PTPRM: variants seen among roughly 807,000 people sequenced by gnomAD.
The protein encoded by PTPRM is receptor-type tyrosine-protein phosphatase mu.
PTPRM carries 47 observed loss-of-function variants against 186.7 expected under a neutral mutation model. The ratio of observed to expected loss-of-function variants is 0.25; its 90% CI spans 0.20 to 0.32. The LOEUF is 0.32. PTPRM is among the 10% of genes least tolerant of loss of function. The probability of loss-of-function intolerance (pLI) is 1.00; values close to 1 mark genes in which losing one functional copy is unlikely to be tolerated. For synonymous variants in PTPRM, 668 were observed against 674.9 expected (o/e 0.99, Z 0.16); for missense variants, 1,494 against 1,865.0 (o/e 0.80, Z 3.66).
chr18:8,183,578 A>T (rs1412818575), intron 14 of PTPRM, among the ~76,000 whole-genome samples: 2 of 152,038 alleles, frequency 1.3e-5, no homozygotes, highest in African/African-American at 2.4e-5. Context: ...ACGGAATCTC[A>T]TTCATCCTCA....
At chr18:8,003,022 G>T (rs773874339) in intron 7 of PTPRM, among the ~76,000 whole-genome samples, 4 of 152,056 alleles carry the variant, frequency 2.6e-5, no homozygotes, top group Non-Finnish European at 5.9e-5. Context: ...AAACAGTCTG[G>T]CATTTGCTTT....
At chr18:8,200,562 C>T (rs961787154) in intron 14 of PTPRM, among the ~76,000 whole-genome samples, 4 of 152,248 alleles carry the variant, frequency 2.6e-5, no homozygotes, top group Non-Finnish European at 4.4e-5. Context: ...GAACTGAACA[C>T]ACCGCACGCA....
At chr18:8,380,699 T>A (rs2095728223) in intron 29 of PTPRM, among the ~76,000 whole-genome samples, 1 of 152,110 alleles carries the variant, frequency 6.6e-6, no homozygotes, top group Non-Finnish European at 1.5e-5. Flanking sequence ...TCCTAAAAGA[T>A]GGAAATACTC....
At chr18:7,780,407 G>A (rs1322152884) in intron 2 of PTPRM, among the ~76,000 whole-genome samples, 1 of 152,110 alleles carries the variant, frequency 6.6e-6, no homozygotes, top group Non-Finnish European at 1.5e-5. Flanking sequence ...ATGCATCTGG[G>A]GAAGAGGCTA....
At chr18:8,314,309 G>T (rs2148027604) in intron 20 of PTPRM, among the ~76,000 whole-genome samples, 1 of 152,122 alleles carries the variant, frequency 6.6e-6, no homozygotes, top group East Asian at 1.9e-4. Context: ...CGCAGATACA[G>T]ATAGGACTTA....
intron 22 of PTPRM, among the ~76,000 whole-genome samples, chr18:8,332,237 G>T (rs1048165475): frequency 6.6e-6 from 1 of 152,142 alleles, no homozygotes; most frequent in African/African-American, 2.4e-5. Flanking sequence ...TAAAAGAAAA[G>T]ATTATTAACC....
chr18:7,672,436 G>T (rs974332067), intron 1 of PTPRM, among the ~76,000 whole-genome samples: 9 of 152,078 alleles, frequency 5.9e-5, no homozygotes, highest in African/African-American at 2.2e-4. Context: ...AAAGATGCTG[G>T]CATTAAGACA....
chr18:7,985,979 A>G (rs1458421571), intron 7 of PTPRM, among the ~76,000 whole-genome samples: 3 of 152,152 alleles, frequency 2.0e-5, no homozygotes, highest in Admixed American at 1.3e-4. Flanking sequence ...ATACATTTCA[A>G]AAAACTCCAA....
At chr18:7,753,182 G>A (rs2041305962) in intron 1 of PTPRM, among the ~76,000 whole-genome samples, 1 of 152,060 alleles carries the variant, frequency 6.6e-6, no homozygotes, top group African/African-American at 2.4e-5. Flanking sequence ...GAGCCAGCAA[G>A]TTATCTCTAC....
rs1321601317 is a variant in PTPRM at position 7,971,080 on chromosome 18, CA to C, written c.1132+15670del. ...AACTATACTACAAGGCTACAGTAAC[CA>C]AAACAGCATGGTACTGGTACCAAAA... On this transcript the variant is annotated intron_variant, in intron 7 of 32. Coordinates refer to ENST00000580170, the MANE Select transcript of PTPRM (RefSeq NM_001105244.2). Among the ~76,000 whole-genome samples, 3 of 24,582 alleles carry C rather than the reference CA, an allele frequency of 1.2e-4. No homozygotes were observed. The East Asian group carries it at 1.9e-3, about 15-fold the overall frequency. 16.1% of individuals were successfully genotyped at this position (24,582 alleles called of 152,430 possible).
intron 19 of PTPRM, among the ~76,000 whole-genome samples, chr18:8,267,416 G>T (rs1318767130): frequency 6.6e-6 from 1 of 151,508 alleles, no homozygotes; most frequent in Non-Finnish European, 1.5e-5. Context: ...ATTTTAAAAA[G>T]AAATTTGGAA....
intron 2 of PTPRM, chr18:7,814,189 G>T (rs1213979270): frequency 6.6e-6 from 1 of 152,318 alleles, no homozygotes; most frequent in Non-Finnish European, 1.5e-5. Flanking sequence ...GGTGCTGAGA[G>T]GGGTGTTTGC....
At chr18:8,189,341 CCT>C (rs1225324908) in intron 14 of PTPRM, among the ~76,000 whole-genome samples, 1 of 151,842 alleles carries the variant, frequency 6.6e-6, no homozygotes, top group South Asian at 2.1e-4. Flanking sequence ...GAAAACATCC[CCT>C]GTTTTTGGAG....
In PTPRM at chr18:8,319,184, C is replaced by A; in HGVS notation, c.2926C>A (p.His976Asn). 1 of 1,552,310 alleles carries A rather than the reference C, an allele frequency of 6.4e-7. No homozygotes were observed. The highest frequency in any genetic ancestry group is 2.3e-5 in the East Asian group (1 of 44,310). Residue 976 changes from histidine (H) to asparagine (N), a missense_variant, in exon 22 of 33, where the codon CAT becomes AAT. Physicochemically the swap from His to Asn is moderately conservative, Grantham distance 68. Coordinates refer to ENST00000580170, the MANE Select transcript of PTPRM (RefSeq NM_001105244.2). ...CTCTTTTATTTATTTTTAGGGTTAT[C>A]ATCGACCCAATCATTACATTGCTAC... ...YINGNYIDGY[H>N]RPNHYIATQG...
chr18:7,802,869 A>T (rs960869602), intron 2 of PTPRM, among the ~76,000 whole-genome samples: 44 of 152,306 alleles, frequency 2.9e-4, no homozygotes, highest in African/African-American at 1.0e-3. Flanking sequence ...CTCAAATGTA[A>T]AAAAACTCAG....
intron 5 of PTPRM, among the ~76,000 whole-genome samples, chr18:7,932,492 A>G (rs2051549426): frequency 6.6e-6 from 1 of 152,096 alleles, no homozygotes; most frequent in Admixed American, 6.6e-5. Context: ...ATTGAAAGTC[A>G]GTTTTATATG....
At chr18:8,236,319 A>G (rs1183187741) in intron 14 of PTPRM, among the ~76,000 whole-genome samples, 1 of 152,138 alleles carries the variant, frequency 6.6e-6, no homozygotes, top group Admixed American at 6.6e-5. Context: ...TCCTTATGTA[A>G]TGCTTTTCTT....
intron 1 of PTPRM, among the ~76,000 whole-genome samples, chr18:7,670,101 A>G (rs2039186182): frequency 6.6e-6 from 1 of 152,184 alleles, no homozygotes; most frequent in African/African-American, 2.4e-5. Context: ...TAAAGTTTAA[A>G]TATATTTTAT....
At chr18:8,319,948 A>G (rs1246758000) in intron 22 of PTPRM, among the ~76,000 whole-genome samples, 4 of 152,144 alleles carry the variant, frequency 2.6e-5, no homozygotes, top group Non-Finnish European at 1.5e-5. Flanking sequence ...TTCCCAGCGT[A>G]TGAAGTGGGT....
Sources: allele counts gnomAD v4.1 joint callset (sites outside exome capture counted in the v4.1 genomes callset), GRCh38; gene constraint gnomAD v4.1.1; transcripts MANE v1.5; gene names NCBI Gene and HGNC (gene_info 2026-07-23, HGNC 2026-07-21).